Variants in HMCN2 observed in about 807,000 individuals in gnomAD.
The protein encoded by HMCN2 is hemicentin 2.
Under a neutral mutation model 377.5 loss-of-function variants are expected in HMCN2, and 325 were observed. That is an observed-to-expected ratio of 0.86 (90% CI 0.79 to 0.94). HMCN2 has a LOEUF of 0.94. HMCN2 is among the 40% of genes least tolerant of loss of function. The probability of loss-of-function intolerance (pLI) is 0.00; values close to 1 mark genes in which losing one functional copy is unlikely to be tolerated. For missense variants in HMCN2, 4,543 were observed against 4,725.3 expected, an observed-to-expected ratio of 0.96 and a Z score of 1.13; for synonymous variants, 2,007 against 2,046.8, an observed-to-expected ratio of 0.98 and a Z score of 0.53.
At chr9:130,368,686 C>A (rs1588325352) in intron 44 of HMCN2, among the ~76,000 whole-genome samples, 1 of 152,166 alleles carries the variant, frequency 6.6e-6, no homozygotes, top group Admixed American at 6.5e-5. Context: ...AGGAAACTCA[C>A]AATCATGGCG....
intron 4 of HMCN2, among the ~76,000 whole-genome samples, chr9:130,287,218 C>G (rs1480280464): frequency 6.6e-6 from 1 of 152,136 alleles, no homozygotes; most frequent in African/African-American, 2.4e-5. Context: ...GGAGAATGTC[C>G]AGCCCCTTAT....
chr9:130,315,858 C>T (rs2131384833), intron 15 of HMCN2, among the ~76,000 whole-genome samples: 1 of 152,274 alleles, frequency 6.6e-6, no homozygotes, highest in Admixed American at 6.5e-5. Context: ...CCTGGCATCT[C>T]TTCTTAAAAG....
chr9:130,292,500 T>C (rs4837492), intron 4 of HMCN2, among the ~76,000 whole-genome samples: 56,199 of 152,160 alleles, frequency 0.37, 11,709 homozygotes, highest in East Asian at 0.6. Flanking sequence ...TGAAGTACAA[T>C]TTCTGTCGAA....
chr9:130,357,820 C>G lies in HMCN2; in HGVS notation c.5426-14C>G, dbSNP rs1341926600. 1.5e-6 allele frequency: 2 copies of G among 1,300,482 alleles called. No homozygotes were observed. Among genetic ancestry groups the G allele is most frequent in the South Asian group, 2.5e-5 (2 of 80,342 alleles). The allele number at this position is 1,300,482 out of a possible 1,614,324, so 80.6% of individuals were successfully genotyped here. ...ATTCTGACTCGGGCTCTTCCTGACT[C>G]TTTCCCTTCCCAGAGTTCCCATCGG... On this transcript the variant is annotated splice_polypyrimidine_tract_variant and intron_variant, in intron 34 of 97. Coordinates refer to ENST00000683500, the MANE Select transcript of HMCN2 (RefSeq NM_001291815.2).
chr9:130,421,998 T>G (rs985894036), intron 86 of HMCN2, among the ~76,000 whole-genome samples: 2 of 152,252 alleles, frequency 1.3e-5, no homozygotes, highest in African/African-American at 4.8e-5. Context: ...CACCCCCCTG[T>G]GCCTGCATCA....
chr9:130,284,870 C>T (rs1431407571), intron 2 of HMCN2, among the ~76,000 whole-genome samples, 197 bp downstream of exon 2: 1 of 152,194 alleles, frequency 6.6e-6, no homozygotes, highest in Non-Finnish European at 1.5e-5. Context: ...AAGTACTCGT[C>T]ACGGTGCTGG....
At chr9:130,301,569 C>T (rs986216663) in intron 8 of HMCN2, among the ~76,000 whole-genome samples, 2 of 152,202 alleles carry the variant, frequency 1.3e-5, no homozygotes, top group Non-Finnish European at 2.9e-5. Context: ...GGCAGAGGCT[C>T]CCAGGGTGCG....
intron 79 of HMCN2, 60 bp from the exon 80 acceptor site, chr9:130,403,681 C>G: frequency 7.9e-7 from 1 of 1,269,150 alleles, no homozygotes; most frequent in South Asian, 1.3e-5. Flanking sequence ...CCCAATCTGC[C>G]CACCTCGGGG....
At chr9:130,282,960 A>G (rs1835207454) in intron 1 of HMCN2, among the ~76,000 whole-genome samples, 2 of 152,128 alleles carry the variant, frequency 1.3e-5, no homozygotes, top group Admixed American at 6.5e-5. Flanking sequence ...GGTCCCAGCT[A>G]CTCAGGGGGC....
intron 85 of HMCN2, among the ~76,000 whole-genome samples, chr9:130,410,993 A>G (rs1046371422): frequency 2.0e-5 from 3 of 152,164 alleles, no homozygotes; most frequent in African/African-American, 4.8e-5. Context: ...AAGTTGTCTC[A>G]ATAGGGATTC....
At position 130,421,305 on chromosome 9, in the gene HMCN2, C is replaced by A. The variant is rs1463943591; in HGVS notation, c.13232-1272C>A. Among the ~76,000 whole-genome samples, 3 of 152,180 alleles carry A rather than the reference C, an allele frequency of 2.0e-5. No homozygotes were observed. The East Asian group carries it at 5.8e-4, about 29-fold the overall frequency. The stretch of plus-strand genomic sequence containing the variant: ...CTAGTTTCCATTCCCCAAAGCCACA[C>A]CGTGCTGCGTATCTTTGTGTGTGGC... On this transcript the variant is annotated intron_variant, in intron 86 of 97. Coordinates refer to ENST00000683500, the MANE Select transcript of HMCN2 (RefSeq NM_001291815.2).
chr9:130,399,678 C>T (rs954939614), intron 76 of HMCN2, 46 bp downstream of exon 76: 10 of 1,235,728 alleles, frequency 8.1e-6, no homozygotes, highest in African/African-American at 3.1e-5. Flanking sequence ...GTGGGGGCAG[C>T]GCCTTCCCGC....
intron 1 of HMCN2, among the ~76,000 whole-genome samples, chr9:130,274,163 C>T (rs183603521): frequency 3.8e-4 from 58 of 152,162 alleles, no homozygotes; most frequent in African/African-American, 1.3e-3. Context: ...AGCAATTCTC[C>T]TGTCTCAGCT....
intron 1 of HMCN2, among the ~76,000 whole-genome samples, chr9:130,279,715 T>C (rs1168299048): frequency 6.6e-6 from 1 of 152,192 alleles, no homozygotes; most frequent in Non-Finnish European, 1.5e-5. Context: ...AGTTGATTCT[T>C]GCTGAAGACC....
In HMCN2 at chr9:130,304,972, A is replaced by G. The variant is rs988462848; in HGVS notation, c.1786A>G (p.Thr596Ala). The G allele has an allele frequency of 2.1e-6, 1 of 471,086 alleles. No homozygotes were observed. Among genetic ancestry groups the G allele is most frequent in the East Asian group, 6.9e-5 (1 of 14,402 alleles). The allele number at this position is 471,086 out of a possible 1,614,324, so 29.2% of individuals were successfully genotyped here. ...QCVASNANGV[T>A]RASVWLLVRE... ...TGTGGCCAGCAATGCCAATGGGGTC[A>G]CAAGGGCATCCGTCTGGCTCCTGGT... The change falls in exon 11 of 98, where the codon ACA (threonine) becomes GCA (alanine). Residue 596 changes from threonine (T) to alanine (A), a missense_variant. By Grantham distance (58) the Thr-to-Ala change is moderately conservative (BLOSUM62 0). Transcript: ENST00000683500. The surrounding 1 kb of genome is among the most constrained non-coding windows in gnomAD (Gnocchi z 4.3).
intron 61 of HMCN2, among the ~76,000 whole-genome samples, chr9:130,387,164 T>C (rs1842067556): frequency 6.6e-6 from 1 of 152,256 alleles, no homozygotes; most frequent in Non-Finnish European, 1.5e-5. Flanking sequence ...TGATTGGACA[T>C]GTGGCTCCAG....
At chr9:130,322,865 T>A (rs1340171372) in intron 19 of HMCN2, among the ~76,000 whole-genome samples, 2 of 152,260 alleles carry the variant, frequency 1.3e-5, no homozygotes, top group Admixed American at 1.3e-4. Context: ...TTGTATTTTG[T>A]GATTTACCAA....
rs181397350 is a variant in HMCN2 at position 130,304,964 on chromosome 9, A to G, written c.1778A>G (p.Asn593Ser). 42 of 471,088 alleles carry G rather than the reference A, an allele frequency of 8.9e-5. No individual in the cohort carries two copies. The highest frequency in any genetic ancestry group is 3.2e-4 in the Middle Eastern group (1 of 3,078). The allele number at this position is 471,088 out of a possible 1,614,324, so 29.2% of individuals were successfully genotyped here. ...GRYQCVASNA[N>S]GVTRASVWLL... ...TACCAGTGTGTGGCCAGCAATGCCAATGGGGTCACAAGGGCATCCGTCTGG... is the reference window on the plus strand; with the variant it reads ...TACCAGTGTGTGGCCAGCAATGCCAGTGGGGTCACAAGGGCATCCGTCTGG... Residue 593 changes from asparagine to serine, a missense_variant, in exon 11 of 98, where the codon AAT (asparagine) becomes AGT (serine). Asn to Ser is a conservative substitution (Grantham distance 46). Transcript: ENST00000683500. The surrounding 1 kb of genome is among the most constrained non-coding windows in gnomAD (Gnocchi z 4.3).
intron 15 of HMCN2, among the ~76,000 whole-genome samples, chr9:130,316,242 C>T (rs1028292901): frequency 3.9e-5 from 6 of 152,126 alleles, no homozygotes; most frequent in Admixed American, 2.0e-4. Context: ...CTGTACCCTG[C>T]GGTGGTGGGT....
Sources: allele counts gnomAD v4.1 joint callset (sites outside exome capture counted in the v4.1 genomes callset), GRCh38; gene constraint gnomAD v4.1.1; non-coding constraint Gnocchi (gnomAD v3.1); transcripts MANE v1.5; gene names NCBI Gene and HGNC (gene_info 2026-07-23, HGNC 2026-07-21).